The following PTPN11 variants were observed in gnomAD, a reference collection of about 807,000 sequenced individuals.
PTPN11 encodes protein tyrosine phosphatase non-receptor type 11.
A neutral mutation model predicts 78.8 loss-of-function variants in PTPN11; 6 were observed. The observed-to-expected ratio is 0.08, with a 90% CI of 0.04 to 0.15. The LOEUF is 0.15. Among genes scored for constraint, PTPN11 ranks in the 10% least tolerant of loss-of-function variants. PTPN11 has a pLI of 1.00. For missense variants in PTPN11, 386 were observed against 744.8 expected, an observed-to-expected ratio of 0.52 and a Z score of 5.61; for synonymous variants, 221 against 263.5, an observed-to-expected ratio of 0.84 and a Z score of 1.56.
chr12:112,450,228 G>A, intron 2 of PTPN11, 90 bp from the exon 3 acceptor site: 1 of 1,239,244 alleles, frequency 8.1e-7, no homozygotes, highest in Non-Finnish European at 1.2e-6. Context: ...TCAACACTTA[G>A]GTAAAATCCG....
At chr12:112,442,864 A>G (rs1253026314) in intron 1 of PTPN11, among the ~76,000 whole-genome samples, 3 of 81,508 alleles carry the variant, frequency 3.7e-5, no homozygotes. Flanking sequence ...ATATATATAT[A>G]TATATATATA....
Position 112,482,098 on chromosome 12 carries a change from G to A in PTPN11, c.1117G>A (p.Asp373Asn), listed in dbSNP as rs1338792040. ...GKSKCVKYWPDEYALKEYGVM... is the reference protein window; with the variant it reads ...GKSKCVKYWPNEYALKEYGVM... ...GAGTAAATGTGTCAAATACTGGCCTGATGAGTATGCTCTAAAAGAATATGG... is the reference window on the plus strand; with the variant it reads ...GAGTAAATGTGTCAAATACTGGCCTAATGAGTATGCTCTAAAAGAATATGG... The change falls in exon 10 of 16, where the codon GAT becomes AAT. Residue 373 changes from aspartate to asparagine, a missense_variant. This residue lies in a region of PTPN11 where 279 missense variants were observed against 503.3 expected (regional missense o/e 0.55). Coordinates refer to ENST00000351677, the MANE Select transcript of PTPN11 (RefSeq NM_002834.5). The surrounding 1 kb of genome is among the most constrained non-coding windows in gnomAD (Gnocchi z 4.4). 1.9e-6 allele frequency: 3 copies of A among 1,582,430 alleles called. No homozygotes were observed. The Admixed American group carries it at 5.0e-5, about 26-fold the overall frequency.
In PTPN11 at chr12:112,501,286, G is replaced by A. The variant is rs114140299; in HGVS notation, c.1600-858G>A. On this transcript the variant is annotated intron_variant, in intron 13 of 15. Transcript: ENST00000351677. Reference sequence around the variant, plus strand: ...GACTGCATGACTGCTGGTTTTCTTTGCCTTTTCCCCCCCAGGGTATCATCA... The same window carrying A: ...GACTGCATGACTGCTGGTTTTCTTTACCTTTTCCCCCCCAGGGTATCATCA... 4.8e-3 allele frequency among the ~76,000 whole-genome samples: 727 copies of A among 152,220 alleles called. 10 individuals are homozygous for A. Among genetic ancestry groups the A allele is most frequent in the African/African-American group, 0.017 (703 of 41,530 alleles).
chr12:112,488,198 G>A (rs1237632232), intron 11 of PTPN11, among the ~76,000 whole-genome samples: 1 of 152,134 alleles, frequency 6.6e-6, no homozygotes, highest in African/African-American at 2.4e-5. Context: ...AGAAATTAAG[G>A]GTCAGAGAGG....
chr12:112,483,838 T>A (rs1454114464), intron 10 of PTPN11, among the ~76,000 whole-genome samples: 1 of 152,006 alleles, frequency 6.6e-6, no homozygotes, highest in Non-Finnish European at 1.5e-5. Flanking sequence ...TGACTGGCAA[T>A]TTTCTAGCTT....
chr12:112,421,382 A>G (rs1456031615), intron 1 of PTPN11, among the ~76,000 whole-genome samples: 1 of 152,118 alleles, frequency 6.6e-6, no homozygotes, highest in Non-Finnish European at 1.5e-5. Flanking sequence ...ATTTTGCCTT[A>G]TGTTCTTTAT....
intron 13 of PTPN11, 144 bp from the exon 14 acceptor site, chr12:112,502,000 T>C (rs1345209588): frequency 1.5e-6 from 1 of 679,076 alleles, no homozygotes. Context: ...AACAATTTGG[T>C]CAATGTATCA....
intron 1 of PTPN11, among the ~76,000 whole-genome samples, chr12:112,431,724 A>G (rs539838368): frequency 6.6e-6 from 1 of 152,206 alleles, no homozygotes; most frequent in South Asian, 2.1e-4. Flanking sequence ...GATAACATCT[A>G]AATTTCTAGT....
At chr12:112,454,541 A>G in intron 4 of PTPN11, 23 bp from the exon 5 acceptor site, 2 of 1,524,468 alleles carry the variant, frequency 1.3e-6, no homozygotes, top group East Asian at 4.5e-5. Flanking sequence ...CAAATAATAA[A>G]TGTCATGTGT....
chr12:112,477,632 T>C lies in PTPN11; in HGVS notation c.854-19T>C. The C allele has an allele frequency of 6.3e-7, 1 of 1,590,712 alleles. No individual in the cohort carries two copies. The highest frequency in any genetic ancestry group is 1.3e-5 in the African/African-American group (1 of 74,484). On this transcript the variant is annotated intron_variant, in intron 7 of 15. Transcript: ENST00000351677. ...AAGCAGTCCAGGACTTATGTGACCG[T>C]GGTCTCTTTTTCTTCTAGTTGATCA... is the stretch of plus-strand genomic sequence containing the variant.
At chr12:112,444,147 G>A (rs1028000709) in intron 1 of PTPN11, among the ~76,000 whole-genome samples, 1 of 152,070 alleles carries the variant, frequency 6.6e-6, no homozygotes, top group African/African-American at 2.4e-5. Context: ...TTGTCCTTTA[G>A]TGACTGGCTT....
chr12:112,489,269 A>G (rs1255905190), intron 13 of PTPN11, 94 bp downstream of exon 13: 1 of 1,455,738 alleles, frequency 6.9e-7, no homozygotes, highest in Admixed American at 1.7e-5. Flanking sequence ...GCTCTGATAG[A>G]CAACTGTTTG....
chr12:112,428,813 T>G (rs2037664204), intron 1 of PTPN11: 1 of 156,200 alleles, frequency 6.4e-6, no homozygotes, highest in Non-Finnish European at 1.4e-5. Flanking sequence ...AATGGCGTGA[T>G]CTCAGCTCAC....
intron 13 of PTPN11, among the ~76,000 whole-genome samples, chr12:112,494,823 G>A (rs1013106753): frequency 6.6e-6 from 1 of 152,090 alleles, no homozygotes; most frequent in Non-Finnish European, 1.5e-5. Context: ...TATGATTTTT[G>A]ATTTTATGAT....
chr12:112,482,687 A>G lies in PTPN11; in HGVS notation c.1224+482A>G, dbSNP rs527287195. 2.9e-4 allele frequency among the ~76,000 whole-genome samples: 44 copies of G among 152,318 alleles called. No homozygotes were observed. Among genetic ancestry groups the G allele is most frequent in the African/African-American group, 9.9e-4 (41 of 41,554 alleles). On this transcript the variant is annotated intron_variant, in intron 10 of 15. Transcript: ENST00000351677. The surrounding 1 kb of genome is among the most constrained non-coding windows in gnomAD (Gnocchi z 4.4). ...TTTTTGTTCCTTCCTTTGGAATGGA[A>G]TATTATATAAAATGGCAGAATAAAC...
chr12:112,460,302 A>C (rs778685436), intron 6 of PTPN11, among the ~76,000 whole-genome samples: 22 of 152,172 alleles, frequency 1.4e-4, no homozygotes, highest in Non-Finnish European at 2.8e-4. Context: ...AAAAAATTTC[A>C]AATGTGTATA....
At chr12:112,430,567 C>T (rs1361851736) in intron 1 of PTPN11, among the ~76,000 whole-genome samples, 1 of 151,478 alleles carries the variant, frequency 6.6e-6, no homozygotes, top group African/African-American at 2.4e-5. Context: ...TAGATGGGAC[C>T]ACAGGTGTGG....
intron 1 of PTPN11, among the ~76,000 whole-genome samples, chr12:112,419,374 C>T (rs2037481739): frequency 6.6e-6 from 1 of 152,154 alleles, no homozygotes. Flanking sequence ...CGGGGATGCC[C>T]GTCAGGCCCG....
chr12:112,420,491 G>A (rs1262885546), intron 1 of PTPN11, among the ~76,000 whole-genome samples: 1 of 151,890 alleles, frequency 6.6e-6, no homozygotes, highest in Non-Finnish European at 1.5e-5. Context: ...GACTACAGGC[G>A]CACCACTATG....
Sources: allele counts gnomAD v4.1 joint callset (sites outside exome capture counted in the v4.1 genomes callset), GRCh38; gene constraint gnomAD v4.1.1; regional missense constraint gnomAD v4.1.1; non-coding constraint Gnocchi (gnomAD v3.1); transcripts MANE v1.5; gene names NCBI Gene and HGNC (gene_info 2026-07-23, HGNC 2026-07-21).